Variants in PCDHA8 observed in about 807,000 individuals in gnomAD.
The protein encoded by PCDHA8 is protocadherin alpha-8.
PCDHA8 carries 53 observed loss-of-function variants against 61.8 expected under a neutral mutation model. The ratio of observed to expected loss-of-function variants is 0.86; its 90% CI spans 0.69 to 1.08. The LOEUF is 1.08. Among genes scored for constraint, PCDHA8 ranks in the 50% least tolerant of loss-of-function variants. The pLI is 0.00. For missense variants in PCDHA8, 1,293 were observed against 1,245.0 expected (o/e 1.04, Z -0.58); for synonymous variants, 618 against 556.6 (o/e 1.11, Z -1.55).
chr5:140,980,695 G>A (rs1403740157), intron 2 of PCDHA8, among the ~76,000 whole-genome samples: 1 of 149,792 alleles, frequency 6.7e-6, no homozygotes, highest in Non-Finnish European at 1.5e-5. Context: ...AAAAAAAAAA[G>A]CCAAATGTGC....
At chr5:140,857,932 C>A (rs1393571264) in intron 1 of PCDHA8, 1 of 1,597,630 alleles carries the variant, frequency 6.3e-7, no homozygotes, top group African/African-American at 1.3e-5. Flanking sequence ...TGTACACGGG[C>A]GAGATCAGTA....
Position 141,009,978 on chromosome 5 carries a change from A to G in PCDHA8, c.*41A>G. On this transcript the variant is annotated 3_prime_UTR_variant, in exon 4 of 4. Coordinates refer to ENST00000531613, the MANE Select transcript of PCDHA8 (RefSeq NM_018911.3). Reference sequence around the variant, plus strand: ...ACAAGCCACTTAGCCAGTTTTTGTAATAATGGCAAATCTCTCCCATGTAGC... The same window carrying G: ...ACAAGCCACTTAGCCAGTTTTTGTAGTAATGGCAAATCTCTCCCATGTAGC... 2 of 1,583,512 alleles carry G rather than the reference A, an allele frequency of 1.3e-6. No homozygotes were observed. Among genetic ancestry groups the G allele is most frequent in the Non-Finnish European group, 1.7e-6 (2 of 1,168,204 alleles).
chr5:140,928,161 C>G (rs155820), intron 1 of PCDHA8: 543,775 of 1,613,884 alleles, frequency 0.34, 93,301 homozygotes, highest in East Asian at 0.51. Flanking sequence ...GTGGCTCACC[C>G]CCACTTAGCA....
chr5:140,844,251 A>G (rs1554140582), intron 1 of PCDHA8, among the ~76,000 whole-genome samples: 1 of 149,748 alleles, frequency 6.7e-6, no homozygotes, highest in East Asian at 1.9e-4. Flanking sequence ...CGTTTTAAGC[A>G]GTGTAGTGAT....
Position 140,918,319 on chromosome 5 carries a change from A to T in PCDHA8, c.2395-60630A>T, listed in dbSNP as rs568659309. Among the ~76,000 whole-genome samples, 8 of 152,266 alleles carry T rather than the reference A, an allele frequency of 5.3e-5. No individual in the cohort carries two copies. In the South Asian group the frequency reaches 1.7e-3, roughly 32 times the overall value. ...GAATATAGGGTTTTCTAGGTATAAAATTATATTGTCTGCTAAGAGAGATAG... is the reference window on the plus strand; with the variant it reads ...GAATATAGGGTTTTCTAGGTATAAATTTATATTGTCTGCTAAGAGAGATAG... On this transcript the variant is annotated intron_variant, in intron 1 of 3. Coordinates refer to ENST00000531613, the MANE Select transcript of PCDHA8 (RefSeq NM_018911.3).
chr5:141,001,489 T>C (rs2098020927), intron 3 of PCDHA8, among the ~76,000 whole-genome samples: 3 of 152,236 alleles, frequency 2.0e-5, no homozygotes. Context: ...GTGCTGGAAA[T>C]GCTAGCCCAG....
intron 3 of PCDHA8, among the ~76,000 whole-genome samples, chr5:140,996,183 T>C (rs1360004898): frequency 6.6e-6 from 1 of 152,232 alleles, no homozygotes; most frequent in African/African-American, 2.4e-5. Context: ...AGCACCTCCA[T>C]TTTATACCCT....
At chr5:140,993,198 A>C (rs1554253472) in intron 3 of PCDHA8, among the ~76,000 whole-genome samples, 1 of 151,946 alleles carries the variant, frequency 6.6e-6, no homozygotes, top group African/African-American at 2.4e-5. Context: ...AACTCACTAA[A>C]GCTAATTTTT....
intron 1 of PCDHA8, among the ~76,000 whole-genome samples, chr5:140,930,792 A>G (rs782797665): frequency 4.9e-4 from 74 of 152,228 alleles, no homozygotes; most frequent in Admixed American, 1.4e-3. Flanking sequence ...AATATAATAG[A>G]ATCCAGCATA....
intron 1 of PCDHA8, among the ~76,000 whole-genome samples, chr5:140,942,621 A>T (rs1038877515): frequency 1.5e-3 from 44 of 29,368 alleles, no homozygotes; most frequent in African/African-American, 6.9e-3. Flanking sequence ...GCCAATTGTA[A>T]AAAAAAAAAT....
chr5:140,941,251 CTT>C (rs1177440606), intron 1 of PCDHA8, among the ~76,000 whole-genome samples: 1 of 121,786 alleles, frequency 8.2e-6, no homozygotes, highest in African/African-American at 3.1e-5. Flanking sequence ...TTCTTTCTTT[CTT>C]TCTCTTTCTT....
intron 1 of PCDHA8, chr5:140,868,832 C>T: frequency 2.4e-6 from 1 of 420,492 alleles, no homozygotes; most frequent in Non-Finnish European, 4.1e-6. Context: ...GGAAGAAACC[C>T]AAAACACGTG....
chr5:140,982,741 T>C (rs2097000256), intron 3 of PCDHA8, among the ~76,000 whole-genome samples, 178 bp downstream of exon 3: 1 of 152,164 alleles, frequency 6.6e-6, no homozygotes, highest in Admixed American at 6.6e-5. Flanking sequence ...TACCTAATGC[T>C]CTTCAGGAGT....
At chr5:140,850,803 A>T in intron 1 of PCDHA8, 1 of 1,598,380 alleles carries the variant, frequency 6.3e-7, no homozygotes, top group East Asian at 2.2e-5. Flanking sequence ...GACCGACCTC[A>T]TGGCCTTCAG....
intron 1 of PCDHA8, among the ~76,000 whole-genome samples, chr5:140,972,662 T>A (rs1188844189): frequency 1.5e-4 from 8 of 54,766 alleles, no homozygotes; most frequent in African/African-American, 8.1e-4. Context: ...GAAACCAAAT[T>A]TTTTTTTTTT....
chr5:140,871,499 G>T, intron 1 of PCDHA8: 1 of 1,584,436 alleles, frequency 6.3e-7, no homozygotes, highest in Admixed American at 1.8e-5. Flanking sequence ...GGACAGGTGA[G>T]TTTTCTACAG....
At chr5:140,853,548 C>T in intron 1 of PCDHA8, 1 of 978,800 alleles carries the variant, frequency 1.0e-6, no homozygotes. Flanking sequence ...GTTGTAATTA[C>T]TATATAGGAA....
chr5:140,942,633 G>T (rs1554215141), intron 1 of PCDHA8, among the ~76,000 whole-genome samples: 1 of 151,380 alleles, frequency 6.6e-6, no homozygotes, highest in Non-Finnish European at 1.5e-5. Context: ...AAAAAAAATG[G>T]CAAAAGAGAT....
At chr5:140,984,976 C>A (rs905264957) in intron 3 of PCDHA8, among the ~76,000 whole-genome samples, 8 of 151,910 alleles carry the variant, frequency 5.3e-5, no homozygotes, top group African/African-American at 1.9e-4. Flanking sequence ...CTCGCTCTGT[C>A]CCCCAGGCTG....
Sources: allele counts gnomAD v4.1 joint callset (sites outside exome capture counted in the v4.1 genomes callset), GRCh38; gene constraint gnomAD v4.1.1; transcripts MANE v1.5; gene names NCBI Gene and HGNC (gene_info 2026-07-23, HGNC 2026-07-21).